The following ST6GAL1 variants were observed in gnomAD, a reference collection of about 807,000 sequenced individuals.
ST6GAL1 encodes ST6 beta-galactoside alpha-2,6-sialyltransferase 1, also known as beta-galactoside alpha-2,6-sialyltransferase 1.
ST6GAL1 carries 20 observed loss-of-function variants against 38.0 expected under a neutral mutation model. The observed-to-expected ratio is 0.53, with a 90% CI of 0.37 to 0.77. The LOEUF (loss-of-function observed/expected upper bound fraction) is 0.77. ST6GAL1 is among the 30% of genes least tolerant of loss of function. The pLI, the probability that ST6GAL1 is intolerant of heterozygous loss-of-function variation, is 0.00. For synonymous variants in ST6GAL1, 196 were observed against 188.2 expected (o/e 1.04, Z -0.34); for missense variants, 432 against 496.4 (o/e 0.87, Z 1.23).
rs890906255 is a variant in ST6GAL1 at position 187,077,776 on chromosome 3, C to G, written c.*1973C>G. ...TGTGCTCACACCTCGGCTGCATGCA[C>G]CCTGCTGTGACGGAGGCTAGTGTGG... On this transcript the variant is annotated 3_prime_UTR_variant, in exon 8 of 8. Coordinates refer to ENST00000169298, the MANE Select transcript of ST6GAL1 (RefSeq NM_173216.2). 6.6e-6 allele frequency: 1 copy of G among 152,408 alleles called. No individual in the cohort carries two copies. Among genetic ancestry groups the G allele is most frequent in the Non-Finnish European group, 1.5e-5 (1 of 68,184 alleles). 9.4% of individuals were successfully genotyped at this position (152,408 alleles called of 1,614,324 possible). A position where few individuals can be genotyped will look rare whatever the true frequency, so the allele number is the denominator to read the frequency against.
chr3:187,060,981 C>T (rs1345784623), intron 5 of ST6GAL1, among the ~76,000 whole-genome samples: 1 of 151,930 alleles, frequency 6.6e-6, no homozygotes. Flanking sequence ...GGGTACAGTA[C>T]AATAAAATAT....
At chr3:186,936,759 C>T (rs74645916) in intron 1 of ST6GAL1, among the ~76,000 whole-genome samples, 3 of 151,746 alleles carry the variant, frequency 2.0e-5, no homozygotes, top group Admixed American at 2.0e-4. Context: ...TGGCCAACAT[C>T]GTGAAACCCC....
intron 2 of ST6GAL1, among the ~76,000 whole-genome samples, chr3:187,030,441 A>G (rs1455838399): frequency 6.6e-6 from 1 of 151,954 alleles, no homozygotes; most frequent in Non-Finnish European, 1.5e-5. Context: ...TTCATTTTTT[A>G]TTTTATTTTT....
At chr3:187,066,317 GCTTTTC>G (rs1719123760) in intron 5 of ST6GAL1, among the ~76,000 whole-genome samples, 1 of 152,086 alleles carries the variant, frequency 6.6e-6, no homozygotes. Flanking sequence ...TCTTCACATG[GCTTTTC>G]CTCTGTGCGT....
At chr3:186,941,596 G>T (rs531539170) in intron 1 of ST6GAL1, among the ~76,000 whole-genome samples, 1 of 152,158 alleles carries the variant, frequency 6.6e-6, no homozygotes, top group Admixed American at 6.5e-5. Context: ...TGGGCGGGGG[G>T]TGAGGAGGGG....
chr3:187,055,878 G>A (rs1414671331), intron 5 of ST6GAL1, among the ~76,000 whole-genome samples: 1 of 149,758 alleles, frequency 6.7e-6, no homozygotes, highest in African/African-American at 2.5e-5. Flanking sequence ...TTTCTGTCTC[G>A]TTGATCCGTC....
intron 1 of ST6GAL1, among the ~76,000 whole-genome samples, chr3:186,934,812 G>A (rs1258106766): frequency 1.3e-5 from 2 of 151,448 alleles, no homozygotes; most frequent in African/African-American, 4.9e-5. Flanking sequence ...TGTCACCCAG[G>A]CTGGAGTGCA....
intron 2 of ST6GAL1, among the ~76,000 whole-genome samples, chr3:186,987,183 G>C (rs1220386603): frequency 8.6e-6 from 1 of 115,850 alleles, no homozygotes; most frequent in African/African-American, 3.9e-5. Flanking sequence ...AGAGAGACAG[G>C]GAGGGAGGGA....
chr3:187,049,581 A>T (rs934920506), intron 4 of ST6GAL1, among the ~76,000 whole-genome samples: 15 of 152,330 alleles, frequency 9.8e-5, no homozygotes, highest in African/African-American at 3.4e-4. Flanking sequence ...GTCTCCGCTC[A>T]TCAGGCCACA....
intron 2 of ST6GAL1, among the ~76,000 whole-genome samples, chr3:186,995,633 C>G (rs1009266527): frequency 2.6e-5 from 4 of 151,968 alleles, no homozygotes; most frequent in African/African-American, 9.7e-5. Context: ...CACCTGAGGT[C>G]AGGAGTTCGA....
At chr3:186,932,025 AG>A (rs1350468916) in intron 1 of ST6GAL1, among the ~76,000 whole-genome samples, 2 of 152,214 alleles carry the variant, frequency 1.3e-5, no homozygotes, top group African/African-American at 2.4e-5. Flanking sequence ...GTGTTGGTGC[AG>A]GTTGTGGGCG....
At chr3:187,034,314 T>A (rs1717855301) in intron 2 of ST6GAL1, among the ~76,000 whole-genome samples, 1 of 152,076 alleles carries the variant, frequency 6.6e-6, no homozygotes, top group African/African-American at 2.4e-5. Flanking sequence ...ACAGCCAAAT[T>A]CTATCAGACA....
chr3:186,972,969 G>A (rs1392068884), intron 2 of ST6GAL1, among the ~76,000 whole-genome samples: 1 of 152,164 alleles, frequency 6.6e-6, no homozygotes, highest in Admixed American at 6.5e-5. Flanking sequence ...TTGGCCATGG[G>A]CTCCCCAGTT....
intron 1 of ST6GAL1, among the ~76,000 whole-genome samples, chr3:186,945,988 C>CA (rs71167026): frequency 0.42 from 29,893 of 71,404 alleles, 6,719 homozygotes; most frequent in East Asian, 0.65. Flanking sequence ...AAGACTCCGT[C>CA]AAAAAAAAAA....
chr3:187,051,523 G>A (rs1025920050), intron 5 of ST6GAL1, 177 bp downstream of exon 5: 2 of 593,420 alleles, frequency 3.4e-6, no homozygotes, highest in Non-Finnish European at 5.9e-6. Flanking sequence ...CTGATGATGT[G>A]TTTATTTAAA....
chr3:187,052,127 A>G (rs1330349693), intron 5 of ST6GAL1, among the ~76,000 whole-genome samples: 1 of 152,100 alleles, frequency 6.6e-6, no homozygotes, highest in Non-Finnish European at 1.5e-5. Flanking sequence ...GGAACAGATC[A>G]GAAATGCCTT....
At chr3:186,958,761 G>A (rs1714829845) in intron 1 of ST6GAL1, among the ~76,000 whole-genome samples, 1 of 152,104 alleles carries the variant, frequency 6.6e-6, no homozygotes, top group Admixed American at 6.6e-5. Flanking sequence ...AGACCAGCCT[G>A]GCCAACATGG....
At chr3:186,958,582 C>A (rs963079429) in intron 1 of ST6GAL1, among the ~76,000 whole-genome samples, 1 of 152,106 alleles carries the variant, frequency 6.6e-6, no homozygotes, top group Non-Finnish European at 1.5e-5. Flanking sequence ...TGGGGCAGGG[C>A]CTGCTGTTTC....
At chr3:187,072,821 G>A (rs1719432585) in intron 5 of ST6GAL1, 28 bp from the exon 6 acceptor site, 1 of 1,591,378 alleles carries the variant, frequency 6.3e-7, no homozygotes, top group Non-Finnish European at 8.6e-7. Context: ...GAATGTTCAA[G>A]CGACAGCTTA....
Sources: allele counts gnomAD v4.1 joint callset (sites outside exome capture counted in the v4.1 genomes callset), GRCh38; gene constraint gnomAD v4.1.1; transcripts MANE v1.5; gene names NCBI Gene and HGNC (gene_info 2026-07-23, HGNC 2026-07-21).